GLIS3: variants seen among roughly 807,000 people sequenced by gnomAD.
GLIS3 encodes the protein GLIS family zinc finger 3, also known as zinc finger protein GLIS3.
GLIS3 carries 53 observed loss-of-function variants against 78.6 expected under a neutral mutation model. The ratio of observed to expected loss-of-function variants is 0.67; its 90% CI spans 0.54 to 0.85. The LOEUF (loss-of-function observed/expected upper bound fraction) is 0.85. Among genes scored for constraint, GLIS3 ranks in the 40% least tolerant of loss-of-function variants. GLIS3 has a pLI of 0.00. For missense variants in GLIS3, 1,703 were observed against 1,231.1 expected, an observed-to-expected ratio of 1.38 and a Z score of -5.74; for synonymous variants, 684 against 509.9, an observed-to-expected ratio of 1.34 and a Z score of -4.60.
chr9:4,483,651 C>G, the GLIS3 span, among the ~76,000 whole-genome samples: 1 of 145,256 alleles, frequency 6.9e-6, no homozygotes, highest in African/African-American at 2.6e-5. Context: ...ACCTGGGAGG[C>G]GGAGGATGCA....
At chr9:3,932,570 A>C (rs1285395124) in intron 5 of GLIS3, 100 bp from the exon 6 acceptor site, 2 of 847,188 alleles carry the variant, frequency 2.4e-6, no homozygotes. Flanking sequence ...ATGAACTGTT[A>C]CCAATTGACT....
intron 2 of GLIS3, among the ~76,000 whole-genome samples, chr9:4,126,732 G>C (rs868401528): frequency 6.6e-6 from 1 of 152,140 alleles, no homozygotes; most frequent in Non-Finnish European, 1.5e-5. Flanking sequence ...AAATCATAAT[G>C]AGCTGAATCA....
the GLIS3 span, among the ~76,000 whole-genome samples, chr9:4,445,285 T>C: frequency 3.3e-5 from 5 of 152,284 alleles, no homozygotes; most frequent in African/African-American, 1.2e-4. Context: ...ATCACTGTTT[T>C]TATTATATAA....
At chr9:4,425,681 G>T in the GLIS3 span, among the ~76,000 whole-genome samples, 1 of 152,162 alleles carries the variant, frequency 6.6e-6, no homozygotes, top group East Asian at 1.9e-4. Context: ...AACCTCCTGG[G>T]ACAGAAGCTC....
intron 4 of GLIS3, among the ~76,000 whole-genome samples, chr9:3,970,078 G>A (rs1199539226): frequency 2.0e-5 from 3 of 152,156 alleles, no homozygotes; most frequent in East Asian, 1.9e-4. Context: ...GTTAGCTTTC[G>A]TCTCTGCCTA....
intron 2 of GLIS3, among the ~76,000 whole-genome samples, chr9:4,273,937 A>C (rs894484476): frequency 6.6e-6 from 1 of 152,132 alleles, no homozygotes; most frequent in African/African-American, 2.4e-5. Flanking sequence ...CTCAGGCCAT[A>C]ATGTGCAGCT....
chr9:3,846,694 C>G (rs542485009), intron 9 of GLIS3, among the ~76,000 whole-genome samples: 1 of 152,298 alleles, frequency 6.6e-6, no homozygotes, highest in African/African-American at 2.4e-5. Flanking sequence ...ATCCCTCTTC[C>G]ACAGGGCTGC....
At chr9:4,448,314 G>C in the GLIS3 span, among the ~76,000 whole-genome samples, 1 of 152,066 alleles carries the variant, frequency 6.6e-6, no homozygotes, top group Non-Finnish European at 1.5e-5. Flanking sequence ...TCCCAACAAA[G>C]CCACACAAGT....
chr9:4,446,304 T>C, the GLIS3 span, among the ~76,000 whole-genome samples: 1 of 152,174 alleles, frequency 6.6e-6, no homozygotes, highest in Non-Finnish European at 1.5e-5. Context: ...GCTTCCATTA[T>C]GTGAGGATGC....
chr9:4,395,723 C>T, the GLIS3 span, among the ~76,000 whole-genome samples: 13 of 151,574 alleles, frequency 8.6e-5, no homozygotes, highest in East Asian at 1.9e-4. Flanking sequence ...CTTTTGTTAT[C>T]GTTTACTACG....
At chr9:3,961,347 T>C (rs961484003) in intron 4 of GLIS3, among the ~76,000 whole-genome samples, 2 of 152,198 alleles carry the variant, frequency 1.3e-5, no homozygotes, top group African/African-American at 4.8e-5. Context: ...AATAAATGCT[T>C]GGAATACAGG....
chr9:4,241,105 A>G (rs1823266313), intron 2 of GLIS3, among the ~76,000 whole-genome samples: 1 of 152,182 alleles, frequency 6.6e-6, no homozygotes, highest in Non-Finnish European at 1.5e-5. Context: ...TATGATTATG[A>G]CCTTACCAGA....
chr9:4,251,137 C>A (rs536871901), intron 2 of GLIS3, among the ~76,000 whole-genome samples: 1 of 152,210 alleles, frequency 6.6e-6, no homozygotes, highest in African/African-American at 2.4e-5. Context: ...TGGTCCAGAG[C>A]TGAGTTCAAG....
chr9:4,251,577 C>T (rs570625624), intron 2 of GLIS3, among the ~76,000 whole-genome samples: 9 of 152,020 alleles, frequency 5.9e-5, no homozygotes, highest in East Asian at 1.9e-4. Context: ...TGCCAATCTG[C>T]GTCTAATTGG....
the GLIS3 span, among the ~76,000 whole-genome samples, chr9:4,480,067 C>A: frequency 6.6e-6 from 1 of 151,790 alleles, no homozygotes; most frequent in Non-Finnish European, 1.5e-5. Flanking sequence ...TGGCCTTGAC[C>A]AGAAAATATT....
intron 2 of GLIS3, among the ~76,000 whole-genome samples, chr9:4,234,004 C>T (rs948698241): frequency 3.9e-5 from 6 of 152,178 alleles, no homozygotes; most frequent in African/African-American, 1.4e-4. Flanking sequence ...AGCTCCCTCA[C>T]GTCTCTCAGC....
chr9:4,018,896 A>G (rs1046787895), intron 4 of GLIS3, among the ~76,000 whole-genome samples: 1 of 152,198 alleles, frequency 6.6e-6, no homozygotes, highest in Non-Finnish European at 1.5e-5. Flanking sequence ...AGCAAGTGTG[A>G]ATAATCTTTG....
rs901840237 is a variant in GLIS3 at position 3,926,240 on chromosome 9, T to G, written c.1983+6120A>C. Among the ~76,000 whole-genome samples the G allele has an allele frequency of 1.1e-4, 16 of 149,682 alleles. 1 individual carries two copies. The highest frequency in any genetic ancestry group is 2.4e-4 in the African/African-American group (10 of 40,920). On this transcript the variant is annotated intron_variant, in intron 6 of 10. Coordinates refer to ENST00000381971, the MANE Select transcript of GLIS3 (RefSeq NM_001042413.2). ...AGCAATGCTTTTTCTTTTGTTTTTT[T>G]TTTTTTCTTTGACGGAGTCTTGCTC...
At chr9:4,136,960 G>A (rs1586775678) in intron 2 of GLIS3, among the ~76,000 whole-genome samples, 3 of 152,152 alleles carry the variant, frequency 2.0e-5, no homozygotes, top group African/African-American at 4.8e-5. Context: ...CACCTGATGT[G>A]CATCTGGGAC....
Sources: gnomAD v4.1 joint callset for allele counts (sites outside exome capture counted in the v4.1 genomes callset) on GRCh38, gnomAD v4.1.1 for gene constraint, MANE v1.5 for transcripts, NCBI Gene and HGNC (gene_info 2026-07-23, HGNC 2026-07-21) for gene names.